Variants in AMPH observed in about 807,000 individuals in gnomAD.
The protein encoded by AMPH is amphiphysin (Stiff-Mann syndrome with breast cancer 128kD autoantigen).
A neutral mutation model predicts 99.1 loss-of-function variants in AMPH; 49 were observed. That is an observed-to-expected ratio of 0.49 (90% confidence interval 0.39 to 0.63). AMPH has a LOEUF of 0.63. Among genes scored for constraint, AMPH ranks in the 20% least tolerant of loss-of-function variants. AMPH has a pLI of 0.00. For missense variants in AMPH, 759 were observed against 863.4 expected (o/e 0.88, Z 1.52); for synonymous variants, 314 against 317.3 (o/e 0.99, Z 0.11).
intron 1 of AMPH, among the ~76,000 whole-genome samples, chr7:38,610,292 GAAA>G (rs1793599663): frequency 9.2e-5 from 1 of 10,866 alleles, no homozygotes; most frequent in African/African-American, 5.2e-4. Flanking sequence ...AAGAAAGAAA[GAAA>G]GAAAAGAAAA....
At chr7:38,394,315 C>G in intron 17 of AMPH, 101 bp from the exon 18 acceptor site, 1 of 1,251,724 alleles carries the variant, frequency 8.0e-7, no homozygotes, top group Non-Finnish European at 1.1e-6. Context: ...GGAGGCTATT[C>G]AGATTTGGAA....
chr7:38,594,131 G>C (rs1300051005), intron 1 of AMPH, among the ~76,000 whole-genome samples: 1 of 152,196 alleles, frequency 6.6e-6, no homozygotes, highest in Non-Finnish European at 1.5e-5. Flanking sequence ...AATCAGGTAA[G>C]AGATGATGGT....
intron 11 of AMPH, among the ~76,000 whole-genome samples, chr7:38,448,885 T>G (rs1786895460): frequency 6.6e-6 from 1 of 152,228 alleles, no homozygotes; most frequent in Non-Finnish European, 1.5e-5. Context: ...TTGTTTTGTT[T>G]TGACTTTGTT....
intron 1 of AMPH, among the ~76,000 whole-genome samples, chr7:38,569,899 CATAATT>C (rs1425789141): frequency 1.3e-5 from 2 of 152,080 alleles, no homozygotes; most frequent in Admixed American, 6.6e-5. Context: ...ACCAAAATAT[CATAATT>C]ATGTTACATT....
intron 2 of AMPH, among the ~76,000 whole-genome samples, chr7:38,507,129 G>C (rs745628484): frequency 6.6e-6 from 1 of 152,116 alleles, no homozygotes; most frequent in Non-Finnish European, 1.5e-5. Flanking sequence ...TCCTTCAGTA[G>C]AAATAAAGTG....
chr7:38,575,424 T>C (rs1268600263), intron 1 of AMPH, among the ~76,000 whole-genome samples: 1 of 152,144 alleles, frequency 6.6e-6, no homozygotes, highest in Non-Finnish European at 1.5e-5. Flanking sequence ...CCCACCCAAA[T>C]CTCATCTTAA....
chr7:38,570,949 A>T (rs1397557107), intron 1 of AMPH, among the ~76,000 whole-genome samples: 15 of 98,980 alleles, frequency 1.5e-4, no homozygotes, highest in South Asian at 2.8e-4. Context: ...ATATATTTAT[A>T]TATATAGAAT....
intron 11 of AMPH, among the ~76,000 whole-genome samples, chr7:38,437,639 A>AAAAAAAAAAAAAAAAAAAAAAAG (rs765494380): frequency 1.0e-5 from 1 of 96,736 alleles, no homozygotes; most frequent in Non-Finnish European, 1.9e-5. Flanking sequence ...AAAAAAAAAA[A>AAAAAAAAAAAAAAAAAAAAAAAG]AAAAGAAAAG....
At chr7:38,515,920 C>T (rs1562801532) in intron 2 of AMPH, among the ~76,000 whole-genome samples, 1 of 152,118 alleles carries the variant, frequency 6.6e-6, no homozygotes, top group Non-Finnish European at 1.5e-5. Context: ...GGCATTGTGC[C>T]CCTGCCCTAC....
intron 11 of AMPH, among the ~76,000 whole-genome samples, chr7:38,460,948 A>G (rs1447999016): frequency 6.6e-6 from 1 of 152,250 alleles, no homozygotes; most frequent in African/African-American, 2.4e-5. Flanking sequence ...TCCTATGCAT[A>G]TAACAAATAC....
At chr7:38,545,349 A>C (rs62444214) in intron 1 of AMPH, among the ~76,000 whole-genome samples, 38,854 of 152,064 alleles carry the variant, frequency 0.26, 5,416 homozygotes, top group Non-Finnish European at 0.31. Flanking sequence ...GCTTTACACC[A>C]AGAACAGCTT....
At chr7:38,457,961 T>C (rs1787296759) in intron 11 of AMPH, among the ~76,000 whole-genome samples, 1 of 152,216 alleles carries the variant, frequency 6.6e-6, no homozygotes, top group African/African-American at 2.4e-5. Flanking sequence ...CACATATATA[T>C]GTCATACAAT....
chr7:38,595,530 A>T (rs1021364351), intron 1 of AMPH, among the ~76,000 whole-genome samples: 8 of 152,220 alleles, frequency 5.3e-5, no homozygotes, highest in African/African-American at 1.9e-4. Context: ...TTTAGGACAA[A>T]TATCAATCAG....
intron 1 of AMPH, among the ~76,000 whole-genome samples, chr7:38,568,643 C>A (rs1226496813): frequency 6.6e-6 from 1 of 152,192 alleles, no homozygotes; most frequent in African/African-American, 2.4e-5. Context: ...CTTGATGCAA[C>A]AGGAAGAGTG....
chr7:38,583,401 AT>A (rs5883654), intron 1 of AMPH, among the ~76,000 whole-genome samples: 88 of 152,058 alleles, frequency 5.8e-4, no homozygotes, highest in Non-Finnish European at 1.1e-3. Flanking sequence ...TAAATAGTGA[AT>A]TTTTTTTAGT....
intron 3 of AMPH, among the ~76,000 whole-genome samples, chr7:38,502,168 TAA>T (rs1451064459): frequency 1.3e-5 from 2 of 152,210 alleles, no homozygotes; most frequent in African/African-American, 4.8e-5. Flanking sequence ...AAAAACATAT[TAA>T]GTTTTACATA....
intron 1 of AMPH, among the ~76,000 whole-genome samples, chr7:38,603,159 T>C (rs1793310664): frequency 6.6e-6 from 1 of 151,644 alleles, no homozygotes; most frequent in South Asian, 2.1e-4. Flanking sequence ...CTGCTAAAAA[T>C]ACAAAAATTA....
At chr7:38,631,174 G>T (rs1318629365) in intron 1 of AMPH, 109 bp downstream of exon 1, 17 of 991,740 alleles carry the variant, frequency 1.7e-5, no homozygotes, top group Middle Eastern at 3.8e-4. Context: ...GCCCCGCTCC[G>T]CAGCGCGCCG....
intron 6 of AMPH, among the ~76,000 whole-genome samples, chr7:38,475,789 G>T (rs1562779686): frequency 6.6e-6 from 1 of 152,206 alleles, no homozygotes; most frequent in Non-Finnish European, 1.5e-5. Flanking sequence ...TTACAAAAGG[G>T]ACTTACAATG....
Sources: gnomAD v4.1 joint callset for allele counts (sites outside exome capture counted in the v4.1 genomes callset) on GRCh38, gnomAD v4.1.1 for gene constraint, MANE v1.5 for transcripts, NCBI Gene and HGNC (gene_info 2026-07-23, HGNC 2026-07-21) for gene names.